ITSN1: variants seen among roughly 807,000 people sequenced by gnomAD.
The protein encoded by ITSN1 is intersectin 1.
Under a neutral mutation model 239.8 loss-of-function variants are expected in ITSN1, and 58 were observed. The observed-to-expected ratio is 0.24, with a 90% confidence interval of 0.20 to 0.30. ITSN1 has a LOEUF of 0.30. ITSN1 is among the 10% of genes least tolerant of loss of function. ITSN1 has a pLI of 1.00. For missense variants in ITSN1, 1,558 were observed against 2,103.3 expected, an observed-to-expected ratio of 0.74 and a Z score of 5.07; for synonymous variants, 780 against 770.8, an observed-to-expected ratio of 1.01 and a Z score of -0.20.
At chr21:33,860,329 AAAAG>A (rs1980259130) in intron 31 of ITSN1, among the ~76,000 whole-genome samples, 1 of 151,816 alleles carries the variant, frequency 6.6e-6, no homozygotes, top group African/African-American at 2.4e-5. Context: ...AAAAAAAAAA[AAAAG>A]AAAAGAAAAT....
chr21:33,726,194 A>G (rs1024431861), intron 4 of ITSN1, among the ~76,000 whole-genome samples: 1 of 152,116 alleles, frequency 6.6e-6, no homozygotes, highest in Non-Finnish European at 1.5e-5. Flanking sequence ...GGTTTTCACC[A>G]TGTTGGCTAG....
intron 14 of ITSN1, among the ~76,000 whole-genome samples, chr21:33,777,987 G>T (rs926609096): frequency 2.6e-5 from 4 of 152,116 alleles, no homozygotes; most frequent in African/African-American, 9.7e-5. Context: ...TGATGAATGG[G>T]TGTTGAAATA....
chr21:33,899,474 AT>A lies in ITSN1; in HGVS notation c.*11175del, dbSNP rs1986976394. Reference sequence around the variant, plus strand: ...TAAAAGAGAGACTATATTGTCTGATATGTAATGTTAATGGAATTCTAAGAAT... The same window carrying A: ...TAAAAGAGAGACTATATTGTCTGATAGTAATGTTAATGGAATTCTAAGAAT... On this transcript the variant is annotated 3_prime_UTR_variant, in exon 40 of 40. Coordinates refer to ENST00000381318, the MANE Select transcript of ITSN1 (RefSeq NM_003024.3). 6.6e-6 allele frequency: 1 copy of A among 152,214 alleles called. No individual in the cohort carries two copies. The highest frequency in any genetic ancestry group is 2.4e-5 in the African/African-American group (1 of 41,456). The allele number at this position is 152,214 out of a possible 1,614,324, so 9.4% of individuals were successfully genotyped here.
chr21:33,835,686 T>G (rs1317067418), intron 28 of ITSN1, among the ~76,000 whole-genome samples: 1 of 152,160 alleles, frequency 6.6e-6, no homozygotes, highest in Non-Finnish European at 1.5e-5. Context: ...ATCCCAGCAC[T>G]TTGGGAGGCC....
At chr21:33,745,422 A>G (rs2067120684) in intron 5 of ITSN1, among the ~76,000 whole-genome samples, 1 of 152,224 alleles carries the variant, frequency 6.6e-6, no homozygotes, top group African/African-American at 2.4e-5. Flanking sequence ...TGAGATGAGC[A>G]AATTCTTCCC....
chr21:33,667,631 G>A (rs2090009144), intron 1 of ITSN1, among the ~76,000 whole-genome samples: 3 of 152,130 alleles, frequency 2.0e-5, no homozygotes, highest in Admixed American at 6.6e-5. Context: ...GCTCTGTGGA[G>A]TAGGTACTGA....
chr21:33,772,396 A>G (rs2147789591), intron 12 of ITSN1, 73 bp downstream of exon 12: 1 of 1,487,346 alleles, frequency 6.7e-7, no homozygotes, highest in Non-Finnish European at 9.1e-7. Flanking sequence ...CAAGTGATCT[A>G]TTCACGCCAT....
intron 21 of ITSN1, among the ~76,000 whole-genome samples, chr21:33,812,365 C>T (rs1168966755): frequency 6.6e-6 from 1 of 152,128 alleles, no homozygotes; most frequent in African/African-American, 2.4e-5. Flanking sequence ...TAATTATGGG[C>T]ACCTTATTTT....
intron 4 of ITSN1, among the ~76,000 whole-genome samples, chr21:33,730,034 T>C (rs765429580): frequency 5.3e-5 from 8 of 152,218 alleles, no homozygotes; most frequent in African/African-American, 1.4e-4. Flanking sequence ...GGCTTTTTTT[T>C]CTACCTCTTA....
intron 33 of ITSN1, 72 bp downstream of exon 33, chr21:33,867,403 A>G (rs954671435): frequency 1.6e-5 from 14 of 855,810 alleles, no homozygotes; most frequent in Admixed American, 1.6e-4. Flanking sequence ...GGTCATGGAC[A>G]AGATTCCCAG....
chr21:33,711,064 C>T (rs1019138923), intron 1 of ITSN1, among the ~76,000 whole-genome samples: 10 of 151,986 alleles, frequency 6.6e-5, no homozygotes, highest in African/African-American at 1.7e-4. Flanking sequence ...CATGAGCCAC[C>T]GCGCCTGGCC....
intron 29 of ITSN1, among the ~76,000 whole-genome samples, chr21:33,845,209 G>A (rs111442859): frequency 4.8e-4 from 72 of 150,648 alleles, no homozygotes; most frequent in African/African-American, 1.6e-3. Flanking sequence ...GGATCCAGCC[G>A]AGAGGATGGC....
chr21:33,882,908 C>A lies in ITSN1; in HGVS notation c.4554+453C>A, dbSNP rs554313784. 6.6e-6 allele frequency among the ~76,000 whole-genome samples: 1 copy of A among 152,172 alleles called. No individual in the cohort carries two copies. The highest frequency in any genetic ancestry group is 1.5e-5 in the Non-Finnish European group (1 of 68,028). On this transcript the variant is annotated intron_variant, in intron 35 of 39. Transcript: ENST00000381318. The surrounding 1 kb of genome is among the most constrained non-coding windows in gnomAD (Gnocchi z 4.5). ...GCAAAGTCTCTCTAAACAGTTGATA[C>A]GTGGAGAATTTCCCTCAGCTGTTTA...
intron 31 of ITSN1, among the ~76,000 whole-genome samples, chr21:33,863,841 C>T (rs1472813894): frequency 1.3e-5 from 2 of 152,162 alleles, no homozygotes; most frequent in African/African-American, 2.4e-5. Flanking sequence ...TGTGGTATTT[C>T]ACACCAACCC....
intron 1 of ITSN1, among the ~76,000 whole-genome samples, chr21:33,646,383 A>G (rs1428274181): frequency 6.6e-6 from 1 of 152,198 alleles, no homozygotes; most frequent in Non-Finnish European, 1.5e-5. Context: ...ATATCAAAAT[A>G]TCATTTTATA....
chr21:33,708,208 G>T (rs1467040177), intron 1 of ITSN1, among the ~76,000 whole-genome samples: 1 of 152,150 alleles, frequency 6.6e-6, no homozygotes, highest in Non-Finnish European at 1.5e-5. Flanking sequence ...TCACTGAGCT[G>T]TCTTATTCTT....
At chr21:33,864,316 G>T (rs1346345607) in intron 31 of ITSN1, among the ~76,000 whole-genome samples, 2 of 152,138 alleles carry the variant, frequency 1.3e-5, no homozygotes, top group African/African-American at 4.8e-5. Flanking sequence ...TTCATGTTGT[G>T]GTCCTGCCAT....
At chr21:33,849,801 C>T (rs1233329920) in intron 29 of ITSN1, among the ~76,000 whole-genome samples, 2 of 152,120 alleles carry the variant, frequency 1.3e-5, no homozygotes, top group East Asian at 3.9e-4. Context: ...AATGTACCCA[C>T]AAAACTTAAA....
chr21:33,736,874 A>G (rs2066535488), intron 5 of ITSN1, among the ~76,000 whole-genome samples: 1 of 152,184 alleles, frequency 6.6e-6, no homozygotes, highest in African/African-American at 2.4e-5. Context: ...AGTCCCAGCC[A>G]CTTGGGAAGC....
Sources: gnomAD v4.1 joint callset for allele counts (sites outside exome capture counted in the v4.1 genomes callset) on GRCh38, gnomAD v4.1.1 for gene constraint, Gnocchi (gnomAD v3.1) non-coding constraint, MANE v1.5 for transcripts, NCBI Gene and HGNC (gene_info 2026-07-23, HGNC 2026-07-21) for gene names.